The following DISC1 variants were observed in gnomAD, a reference collection of about 807,000 sequenced individuals.
DISC1 encodes the protein DISC1 scaffold protein, also known as disrupted in schizophrenia 1 protein.
In DISC1, 57 loss-of-function variants were observed where a neutral mutation model predicts 84.5. The observed-to-expected ratio is 0.67, with a 90% CI of 0.55 to 0.84. DISC1 has a LOEUF of 0.84. Among genes scored for constraint, DISC1 ranks in the 40% least tolerant of loss-of-function variants. The pLI is 0.00. For synonymous variants in DISC1, 411 were observed against 415.2 expected (o/e 0.99, Z 0.12); for missense variants, 1,000 against 1,057.8 (o/e 0.95, Z 0.76).
intron 9 of DISC1, among the ~76,000 whole-genome samples, chr1:231,911,878 A>G (rs932218586): frequency 6.6e-6 from 1 of 151,576 alleles, no homozygotes; most frequent in African/African-American, 2.4e-5. Flanking sequence ...GTTTCTTTTT[A>G]CTCCTTTTCC....
At chr1:231,970,587 T>C (rs1661805769) in intron 10 of DISC1, among the ~76,000 whole-genome samples, 1 of 152,194 alleles carries the variant, frequency 6.6e-6, no homozygotes, top group Admixed American at 6.5e-5. Context: ...TCTTTGCCAT[T>C]GATAATTCAA....
intron 1 of DISC1, among the ~76,000 whole-genome samples, chr1:231,666,125 A>G (rs1270298432): frequency 1.3e-5 from 2 of 152,134 alleles, no homozygotes; most frequent in Non-Finnish European, 2.9e-5. Flanking sequence ...GATCTCTTCA[A>G]TGCAATCAAG....
intron 10 of DISC1, among the ~76,000 whole-genome samples, chr1:232,007,914 G>A (rs1347578356): frequency 2.0e-5 from 3 of 152,100 alleles, no homozygotes; most frequent in African/African-American, 7.2e-5. Context: ...GCTGTTCCCA[G>A]GATAGTGAGT....
At chr1:232,027,047 G>C (rs540796803) in intron 12 of DISC1, among the ~76,000 whole-genome samples, 6 of 152,196 alleles carry the variant, frequency 3.9e-5, no homozygotes, top group South Asian at 2.1e-4. Context: ...CACCGCATCC[G>C]GCCGCAATTC....
chr1:231,855,674 C>T (rs1431645450), intron 9 of DISC1, among the ~76,000 whole-genome samples: 1 of 152,174 alleles, frequency 6.6e-6, no homozygotes, highest in African/African-American at 2.4e-5. Flanking sequence ...GGCTTATTTT[C>T]CTTTCCATGA....
chr1:231,985,257 C>T (rs1041137866), intron 10 of DISC1, among the ~76,000 whole-genome samples: 1 of 147,284 alleles, frequency 6.8e-6, no homozygotes, highest in African/African-American at 2.5e-5. Flanking sequence ...ACCTGGAAGG[C>T]GGAGGTTGTA....
At chr1:231,940,992 G>A (rs1230048671) in intron 9 of DISC1, 2 of 152,180 alleles carry the variant, frequency 1.3e-5, no homozygotes, top group South Asian at 2.1e-4. Context: ...TTAAGACATG[G>A]GCATTCGCAG....
chr1:231,733,155 G>GATA (rs1445469804), intron 3 of DISC1, among the ~76,000 whole-genome samples: 11 of 152,030 alleles, frequency 7.2e-5, no homozygotes, highest in African/African-American at 2.7e-4. Context: ...GAGTGATGGT[G>GATA]GTGATGGTAG....
At chr1:231,723,291 T>C in intron 3 of DISC1, 1 of 986,336 alleles carries the variant, frequency 1.0e-6, no homozygotes, top group Non-Finnish European at 1.2e-6. Flanking sequence ...TTAAAACCCG[T>C]GTTGTTCAAG....
chr1:231,977,871 G>C (rs575836246), intron 10 of DISC1, among the ~76,000 whole-genome samples: 1 of 152,248 alleles, frequency 6.6e-6, no homozygotes, highest in Non-Finnish European at 1.5e-5. Flanking sequence ...CAGCTATTTA[G>C]TCAGTGTTTC....
Position 231,635,820 on chromosome 1 carries a change from G to GTA in DISC1, c.67+8894_67+8895dup, listed in dbSNP as rs895442406. ...ATAAAAAATATATATACTTATGTTTGTATATATATGTGTAAATTGATATGT... is the reference window on the plus strand; with the variant it reads ...ATAAAAAATATATATACTTATGTTTGTATATATATATGTGTAAATTGATATGT... On this transcript the variant is annotated intron_variant, in intron 1 of 12. Coordinates refer to ENST00000439617, the MANE Select transcript of DISC1 (RefSeq NM_018662.3). Among the ~76,000 whole-genome samples, 7 of 152,230 alleles carry GTA rather than the reference G, an allele frequency of 4.6e-5. No homozygotes were observed. In the East Asian group the frequency reaches 1.2e-3, roughly 25 times the overall value.
Position 231,694,461 on chromosome 1 carries a change from G to A in DISC1, c.703G>A (p.Ala235Thr), listed in dbSNP as rs986232343. ...AGAAGGCTGCCCACCATCCAGAGAG[G>A]CTGAGTCCCATTGCCAGAGCCCCCA... is the stretch of plus-strand genomic sequence containing the variant. Reference protein sequence around the residue: ...EAEGCPPSREAESHCQSPQEM... With the variant: ...EAEGCPPSRETESHCQSPQEM... The change falls in exon 2 of 13, where the codon GCT becomes ACT. Residue 235 changes from alanine to threonine, a missense_variant. Coordinates refer to ENST00000439617, the MANE Select transcript of DISC1 (RefSeq NM_018662.3). 14 of 1,614,166 alleles carry A rather than the reference G, an allele frequency of 8.7e-6. No homozygotes were observed. Among genetic ancestry groups the A allele is most frequent in the African/African-American group, 4.0e-5 (3 of 74,964 alleles).
intron 9 of DISC1, among the ~76,000 whole-genome samples, chr1:231,916,996 A>G (rs1378825164): frequency 2.0e-5 from 3 of 152,188 alleles, no homozygotes; most frequent in Non-Finnish European, 2.9e-5. Context: ...CATTGTCTCC[A>G]AAATGCCCTT....
intron 9 of DISC1, among the ~76,000 whole-genome samples, chr1:231,870,638 G>A (rs2085391204): frequency 1.3e-5 from 2 of 152,080 alleles, no homozygotes; most frequent in South Asian, 4.1e-4. Flanking sequence ...CATGTTTGGG[G>A]CTTGGGAGAT....
At chr1:231,926,497 G>A (rs201402563) in intron 9 of DISC1, among the ~76,000 whole-genome samples, 33 of 152,290 alleles carry the variant, frequency 2.2e-4, no homozygotes, top group Middle Eastern at 3.4e-3. Flanking sequence ...ACAACTTGCT[G>A]TACTTAAGGC....
intron 9 of DISC1, among the ~76,000 whole-genome samples, chr1:231,849,781 A>C (rs1270607700): frequency 6.6e-6 from 1 of 152,196 alleles, no homozygotes; most frequent in South Asian, 2.1e-4. Flanking sequence ...CACCACCATA[A>C]CACGTTGGTT....
intron 3 of DISC1, among the ~76,000 whole-genome samples, chr1:231,704,356 A>G (rs1573026471): frequency 6.6e-6 from 1 of 152,174 alleles, no homozygotes; most frequent in African/African-American, 2.4e-5. Flanking sequence ...AGATCTTTGC[A>G]TAGAAATTGG....
At chr1:231,672,336 C>G (rs1018278121) in intron 1 of DISC1, among the ~76,000 whole-genome samples, 1 of 152,144 alleles carries the variant, frequency 6.6e-6, no homozygotes, top group Non-Finnish European at 1.5e-5. Flanking sequence ...CTCTTTCTAT[C>G]TTTTTACCTC....
chr1:231,944,304 C>G lies in DISC1; in HGVS notation c.1982-14524C>G, dbSNP rs1465151531. On this transcript the variant is annotated intron_variant, in intron 9 of 12. Coordinates refer to ENST00000439617, the MANE Select transcript of DISC1 (RefSeq NM_018662.3). ...AGATCCTTCTTCTGGAAGGAAGGGTCAGGTTTCTGCAGCTACTCCCAGCTG... is the reference window on the plus strand; with the variant it reads ...AGATCCTTCTTCTGGAAGGAAGGGTGAGGTTTCTGCAGCTACTCCCAGCTG... Among the ~76,000 whole-genome samples the G allele has an allele frequency of 1.1e-4, 17 of 152,138 alleles. 1 individual carries two copies. The highest frequency in any genetic ancestry group is 1.1e-3 in the Admixed American group (17 of 15,264).
Sources: allele counts gnomAD v4.1 joint callset (sites outside exome capture counted in the v4.1 genomes callset), GRCh38; gene constraint gnomAD v4.1.1; transcripts MANE v1.5; gene names NCBI Gene and HGNC (gene_info 2026-07-23, HGNC 2026-07-21).